NALF1: variants seen among roughly 807,000 people sequenced by gnomAD.
NALF1 encodes family with sequence similarity 155 member A.
NALF1 carries 3 observed loss-of-function variants against 48.4 expected under a neutral mutation model. The observed-to-expected ratio is 0.06, with a 90% CI of 0.03 to 0.16. The LOEUF (loss-of-function observed/expected upper bound fraction) is 0.16. Ranked by LOEUF, NALF1 falls within the 10% of genes least tolerant of loss-of-function variation. The pLI, the probability that NALF1 is intolerant of heterozygous loss-of-function variation, is 1.00. For synonymous variants in NALF1, 262 were observed against 245.7 expected (o/e 1.07, Z -0.62); for missense variants, 526 against 571.5 (o/e 0.92, Z 0.81).
chr13:107,439,692 T>G (rs1665223105), intron 1 of NALF1, among the ~76,000 whole-genome samples: 1 of 152,202 alleles, frequency 6.6e-6, no homozygotes, highest in Non-Finnish European at 1.5e-5. Context: ...TAGGTAACTT[T>G]TCTTTCATGT....
chr13:107,198,478 G>C lies in NALF1; in HGVS notation c.1087+12106C>G, dbSNP rs541211043. Among the ~76,000 whole-genome samples the C allele has an allele frequency of 2.6e-5, 4 of 152,324 alleles. No individual in the cohort carries two copies. In the East Asian group the frequency reaches 7.7e-4, roughly 29 times the overall value. ...TAAATCCTGCTGGCTGAGCTCCCTC[G>C]ATGCCTTTGTAATTCCTTTTTATTT... On this transcript the variant is annotated intron_variant, in intron 2 of 2. Coordinates refer to ENST00000375915, the MANE Select transcript of NALF1 (RefSeq NM_001080396.3).
chr13:107,182,227 TGTGTGTGTGTGTGTGTGTGTGTGTCC>T (rs1377460387), intron 2 of NALF1, among the ~76,000 whole-genome samples: 2 of 25,898 alleles, frequency 7.7e-5, no homozygotes, highest in African/African-American at 2.4e-4. Flanking sequence ...TTATTTATGC[TGTGTGTGTGTGTGTGTGTGTGTGTCC>T]GTGTGTGTGT....
At chr13:107,579,694 T>G (rs1878250060) in intron 1 of NALF1, among the ~76,000 whole-genome samples, 1 of 151,362 alleles carries the variant, frequency 6.6e-6, no homozygotes, top group African/African-American at 2.4e-5. Context: ...TTATTATACT[T>G]TAAGTTTTAG....
intron 1 of NALF1, among the ~76,000 whole-genome samples, chr13:107,819,144 C>A (rs1386335519): frequency 6.6e-6 from 1 of 151,970 alleles, no homozygotes; most frequent in East Asian, 1.9e-4. Context: ...TCAGCTTAAC[C>A]TGATGTCTTG....
At chr13:107,721,313 A>G (rs1875979452) in intron 1 of NALF1, among the ~76,000 whole-genome samples, 1 of 152,192 alleles carries the variant, frequency 6.6e-6, no homozygotes, top group Non-Finnish European at 1.5e-5. Flanking sequence ...GCACCCAGCA[A>G]CAAGGAATAT....
chr13:107,221,146 G>A (rs967188162), intron 1 of NALF1, among the ~76,000 whole-genome samples: 2 of 151,996 alleles, frequency 1.3e-5, no homozygotes, highest in Non-Finnish European at 2.9e-5. Context: ...TTTGTGAAGG[G>A]GGTGAGAGAT....
intron 2 of NALF1, among the ~76,000 whole-genome samples, chr13:107,179,702 T>C (rs1395324962): frequency 6.6e-6 from 1 of 151,448 alleles, no homozygotes; most frequent in African/African-American, 2.4e-5. Context: ...GCAGAATATT[T>C]TCTGAGTTCT....
intron 1 of NALF1, among the ~76,000 whole-genome samples, chr13:107,539,853 C>T (rs1314763748): frequency 6.6e-6 from 1 of 152,042 alleles, no homozygotes; most frequent in Non-Finnish European, 1.5e-5. Context: ...CTCCAATTCA[C>T]AAATTCTTGA....
chr13:107,368,032 T>G (rs1042516503), intron 1 of NALF1, among the ~76,000 whole-genome samples: 1 of 152,206 alleles, frequency 6.6e-6, no homozygotes, highest in Non-Finnish European at 1.5e-5. Flanking sequence ...TTTAATCCTA[T>G]GTATATAAAA....
chr13:107,819,451 C>T (rs1879288707), intron 1 of NALF1, among the ~76,000 whole-genome samples: 1 of 151,766 alleles, frequency 6.6e-6, no homozygotes, highest in Non-Finnish European at 1.5e-5. Context: ...TTTGCTCATA[C>T]TTCTTAGGTG....
chr13:107,523,317 G>C (rs187745636), intron 1 of NALF1, among the ~76,000 whole-genome samples: 1 of 152,192 alleles, frequency 6.6e-6, no homozygotes, highest in East Asian at 1.9e-4. Context: ...GGGTATTTTA[G>C]AATCTCAGTA....
chr13:107,816,403 T>G (rs551435228), intron 1 of NALF1, among the ~76,000 whole-genome samples: 11 of 152,258 alleles, frequency 7.2e-5, no homozygotes, highest in Admixed American at 2.0e-4. Context: ...CAAAAGGCAC[T>G]TCTTACATGG....
intron 1 of NALF1, among the ~76,000 whole-genome samples, chr13:107,687,739 A>G (rs977442307): frequency 6.6e-6 from 1 of 152,218 alleles, no homozygotes; most frequent in African/African-American, 2.4e-5. Flanking sequence ...ACTCTGTATA[A>G]GTATCACCCA....
chr13:107,840,159 C>T (rs1052437740), intron 1 of NALF1, among the ~76,000 whole-genome samples: 2 of 152,116 alleles, frequency 1.3e-5, no homozygotes, highest in Non-Finnish European at 2.9e-5. Flanking sequence ...TAAATGCAGT[C>T]GGCTGTGTAC....
At position 107,727,031 on chromosome 13, in the gene NALF1, C is replaced by T. The variant is rs955318830; in HGVS notation, c.915+138651G>A. On this transcript the variant is annotated intron_variant, in intron 1 of 2. Coordinates refer to ENST00000375915, the MANE Select transcript of NALF1 (RefSeq NM_001080396.3). ...TTCCCCATGTTGGTCAGGCTGGTCTCGAACTCCTGACCTCATGATCCTCCC... is the reference window on the plus strand; with the variant it reads ...TTCCCCATGTTGGTCAGGCTGGTCTTGAACTCCTGACCTCATGATCCTCCC... Among the ~76,000 whole-genome samples the T allele has an allele frequency of 3.4e-5, 5 of 148,410 alleles. No homozygotes were observed. The South Asian group carries it at 6.4e-4, about 19-fold the overall frequency.
chr13:107,427,682 C>A (rs962553505), intron 1 of NALF1, among the ~76,000 whole-genome samples: 2 of 152,160 alleles, frequency 1.3e-5, no homozygotes, highest in Admixed American at 1.3e-4. Context: ...ATTGTGCTTT[C>A]TCTTCAAGTT....
chr13:107,690,214 A>T (rs1365233104), intron 1 of NALF1, among the ~76,000 whole-genome samples: 2 of 152,232 alleles, frequency 1.3e-5, no homozygotes, highest in East Asian at 3.8e-4. Flanking sequence ...CTGTGCTCCT[A>T]ACTCCATACT....
rs1879588949 is a variant in NALF1, at chr13:107,204,308, C to T, written c.1087+6276G>A. Among the ~76,000 whole-genome samples the T allele has an allele frequency of 2.6e-5, 4 of 152,250 alleles. No individual in the cohort carries two copies. In the South Asian group the frequency reaches 8.3e-4, roughly 31 times the overall value. ...GCGCCTGCCGCTCCGCAAGCACCAC[C>T]AGGCTGGACTACATGGGGTCCCATC... On this transcript the variant is annotated intron_variant, in intron 2 of 2. Coordinates refer to ENST00000375915, the MANE Select transcript of NALF1 (RefSeq NM_001080396.3).
At chr13:107,831,843 A>T (rs1048675093) in intron 1 of NALF1, among the ~76,000 whole-genome samples, 4 of 152,226 alleles carry the variant, frequency 2.6e-5, no homozygotes, top group Non-Finnish European at 5.9e-5. Flanking sequence ...AAAATATTCC[A>T]GAGTTTAGCT....
Sources: allele counts gnomAD v4.1 joint callset (sites outside exome capture counted in the v4.1 genomes callset), GRCh38; gene constraint gnomAD v4.1.1; transcripts MANE v1.5; gene names NCBI Gene and HGNC (gene_info 2026-07-23, HGNC 2026-07-21).